DNAH9: variants seen among roughly 807,000 people sequenced by gnomAD.
DNAH9 encodes dynein axonemal heavy chain 9.
Under a neutral mutation model 471.6 loss-of-function variants are expected in DNAH9, and 345 were observed. The observed-to-expected ratio is 0.73, with a 90% CI of 0.67 to 0.80. The LOEUF (loss-of-function observed/expected upper bound fraction) is 0.80. Ranked by LOEUF, DNAH9 falls within the 30% of genes least tolerant of loss-of-function variation. The pLI, the probability that DNAH9 is intolerant of heterozygous loss-of-function variation, is 0.00. For missense variants in DNAH9, 5,407 were observed against 5,609.2 expected (o/e 0.96, Z 1.15); for synonymous variants, 2,093 against 2,123.6 (o/e 0.99, Z 0.40).
intron 14 of DNAH9, among the ~76,000 whole-genome samples, chr17:11,655,414 GAAA>G (rs2073620456): frequency 6.7e-6 from 1 of 149,874 alleles, no homozygotes; most frequent in Non-Finnish European, 1.5e-5. Flanking sequence ...AAAATTTAGA[GAAA>G]AAGATAAAAA....
chr17:11,725,081 CAG>C (rs1294610856), intron 27 of DNAH9, among the ~76,000 whole-genome samples: 1 of 152,182 alleles, frequency 6.6e-6, no homozygotes, highest in Non-Finnish European at 1.5e-5. Context: ...TGACAGGAGA[CAG>C]AGCTCAGGCA....
intron 17 of DNAH9, among the ~76,000 whole-genome samples, chr17:11,678,474 A>G (rs1167980632): frequency 6.6e-6 from 1 of 152,192 alleles, no homozygotes; most frequent in East Asian, 1.9e-4. Flanking sequence ...TTCTTTAAAA[A>G]TAGTTTTGTG....
chr17:11,956,490 CCAATTTTA>C (rs1286795110), intron 67 of DNAH9, among the ~76,000 whole-genome samples: 1 of 152,100 alleles, frequency 6.6e-6, no homozygotes, highest in African/African-American at 2.4e-5. Context: ...ACCAACTTAA[CCAATTTTA>C]CAGACACTCC....
chr17:11,652,602 A>G (rs897197472), intron 13 of DNAH9, among the ~76,000 whole-genome samples, 159 bp from the exon 14 acceptor site: 1 of 151,970 alleles, frequency 6.6e-6, no homozygotes, highest in Non-Finnish European at 1.5e-5. Context: ...GCTTTTTAAT[A>G]CAACTAGGAG....
chr17:11,713,783 A>G (rs913857810), intron 26 of DNAH9, among the ~76,000 whole-genome samples: 9 of 152,198 alleles, frequency 5.9e-5, no homozygotes, highest in African/African-American at 1.2e-4. Flanking sequence ...TACAAATTCT[A>G]AAAGTTTTAC....
intron 27 of DNAH9, among the ~76,000 whole-genome samples, chr17:11,724,789 T>G (rs2075123969): frequency 6.6e-6 from 1 of 152,212 alleles, no homozygotes; most frequent in Non-Finnish European, 1.5e-5. Flanking sequence ...GGGGATGGTC[T>G]CGGGATGATT....
In DNAH9 at chr17:11,807,842, T is replaced by A. The variant is rs1287584389; in HGVS notation, c.8531T>A (p.Met2844Lys). Residue 2844 changes from methionine (M) to lysine (K), a missense_variant, in exon 44 of 69, where the codon ATG becomes AAG. By Grantham distance (95) the Met-to-Lys change is moderately conservative. Around this residue, in one of 3 missense-constraint regions of DNAH9, gnomAD observed 4,636 missense variants for 4,900.3 expected, o/e 0.95. Coordinates refer to ENST00000262442, the MANE Select transcript of DNAH9 (RefSeq NM_001372.4). ...AGGCTGGCAGCTTTCATCAGCTCCATGGATGTCTTCCAGATCACACTGCGC... is the reference window on the plus strand; with the variant it reads ...AGGCTGGCAGCTTTCATCAGCTCCAAGGATGTCTTCCAGATCACACTGCGC... ...LTRLAAFISS[M>K]DVFQITLRKG... is the part of the protein sequence containing the mutation. 1 of 1,613,972 alleles carries A rather than the reference T, an allele frequency of 6.2e-7. No individual in the cohort carries two copies. The highest frequency in any genetic ancestry group is 1.7e-5 in the Admixed American group (1 of 60,004).
At chr17:11,678,573 T>G (rs2074085032) in intron 17 of DNAH9, among the ~76,000 whole-genome samples, 2 of 152,226 alleles carry the variant, frequency 1.3e-5, no homozygotes, top group South Asian at 4.1e-4. Context: ...TGTTGCCGAG[T>G]AGTCGGTTAT....
At position 11,640,320 on chromosome 17, in the gene DNAH9, T is replaced by C. The variant is rs1344444226; in HGVS notation, c.1837T>C (p.Trp613Arg). Reference protein sequence around the residue: ...NMPTVAGGLRWAQELRQRIQG... With the variant: ...NMPTVAGGLRRAQELRQRIQG... ...GCCCACCGTGGCTGGCGGCCTCCGCTGGGCACAGGAGCTGAGGCAGCGCAT... is the reference window on the plus strand; with the variant it reads ...GCCCACCGTGGCTGGCGGCCTCCGCCGGGCACAGGAGCTGAGGCAGCGCAT... Residue 613 changes from tryptophan to arginine, a missense_variant, in exon 10 of 69, where the codon TGG becomes CGG. Trp to Arg is a moderately radical substitution (Grantham distance 101). This residue lies in a region of DNAH9 where 4,636 missense variants were observed against 4,900.3 expected (regional missense o/e 0.95). Transcript: ENST00000262442. The C allele has an allele frequency of 6.2e-7, 1 of 1,613,952 alleles. No homozygotes were observed. Among genetic ancestry groups the C allele is most frequent in the Non-Finnish European group, 8.5e-7 (1 of 1,179,982 alleles).
intron 38 of DNAH9, among the ~76,000 whole-genome samples, chr17:11,774,878 C>A (rs1968358344): frequency 6.6e-6 from 1 of 152,082 alleles, no homozygotes; most frequent in South Asian, 2.1e-4. Context: ...TTATAATCGA[C>A]ATACAATAAA....
intron 4 of DNAH9, among the ~76,000 whole-genome samples, chr17:11,614,977 T>C (rs1267404556): frequency 6.6e-6 from 1 of 152,150 alleles, no homozygotes; most frequent in African/African-American, 2.4e-5. Flanking sequence ...TGTAGGTAGA[T>C]ACGTGTGTGA....
intron 61 of DNAH9, among the ~76,000 whole-genome samples, chr17:11,912,242 C>A (rs1973816097): frequency 6.6e-6 from 1 of 152,168 alleles, no homozygotes; most frequent in African/African-American, 2.4e-5. Flanking sequence ...TGGTCTCAAT[C>A]TCTTGACTTC....
rs1243594704 is a variant in DNAH9 at position 11,931,352 on chromosome 17, G to A, written c.12106-662G>A. 2.0e-5 allele frequency among the ~76,000 whole-genome samples: 3 copies of A among 152,288 alleles called. No individual in the cohort carries two copies. The East Asian group carries it at 5.8e-4, about 29-fold the overall frequency. On this transcript the variant is annotated intron_variant, in intron 63 of 68. Transcript: ENST00000262442. ...TGGGTCATGCAGGTTATTTGAGATG[G>A]GCCATCCAACAGGATGACTGTGCCA...
intron 62 of DNAH9, chr17:11,925,160 G>A (rs747313719): frequency 6.6e-6 from 3 of 455,154 alleles, no homozygotes; most frequent in East Asian, 7.0e-5. Context: ...AATTTTTTAG[G>A]TAAAGAGATG....
intron 54 of DNAH9, among the ~76,000 whole-genome samples, 155 bp downstream of exon 54, chr17:11,880,355 G>T (rs1342464731): frequency 2.0e-5 from 3 of 152,166 alleles, no homozygotes; most frequent in South Asian, 2.1e-4. Context: ...TCCAGCAGAG[G>T]TCTATTTAGT....
At chr17:11,918,632 G>T (rs35933569) in intron 61 of DNAH9, among the ~76,000 whole-genome samples, 28,446 of 152,110 alleles carry the variant, frequency 0.19, 2,759 homozygotes, top group East Asian at 0.27. Flanking sequence ...TTTGTGGTGA[G>T]CGAAACTGAT....
At chr17:11,606,368 C>G (rs1051673390) in intron 1 of DNAH9, among the ~76,000 whole-genome samples, 7 of 151,900 alleles carry the variant, frequency 4.6e-5, no homozygotes, top group Non-Finnish European at 8.8e-5. Context: ...CTGGTATTCT[C>G]CTTCCATCAC....
chr17:11,659,839 TCTTAA>T (rs746315051), intron 14 of DNAH9, among the ~76,000 whole-genome samples: 1 of 152,188 alleles, frequency 6.6e-6, no homozygotes, highest in Non-Finnish European at 1.5e-5. Flanking sequence ...CCCTATGTAC[TCTTAA>T]CTTGTCTTAT....
chr17:11,896,583 A>C (rs924060259), intron 59 of DNAH9, among the ~76,000 whole-genome samples: 2 of 152,158 alleles, frequency 1.3e-5, no homozygotes, highest in South Asian at 2.1e-4. Context: ...ATAAGGGGGT[A>C]CTCCATTCAC....
Sources: allele counts gnomAD v4.1 joint callset (sites outside exome capture counted in the v4.1 genomes callset), GRCh38; gene constraint gnomAD v4.1.1; regional missense constraint gnomAD v4.1.1; transcripts MANE v1.5; gene names NCBI Gene and HGNC (gene_info 2026-07-23, HGNC 2026-07-21).